FNDC3A: variants seen among roughly 807,000 people sequenced by gnomAD.
FNDC3A encodes the protein fibronectin type III domain containing 3A, also known as fibronectin type-III domain-containing protein 3A.
FNDC3A carries 32 observed loss-of-function variants against 148.9 expected under a neutral mutation model. That is an observed-to-expected ratio of 0.21 (90% CI 0.16 to 0.29). The LOEUF is 0.29. FNDC3A is among the 10% of genes least tolerant of loss of function. The probability of loss-of-function intolerance (pLI) is 1.00; values close to 1 mark genes in which losing one functional copy is unlikely to be tolerated. For missense variants in FNDC3A, 1,191 were observed against 1,452.8 expected (o/e 0.82, Z 2.93); for synonymous variants, 472 against 473.6 (o/e 1.00, Z 0.04).
chr13:48,993,136 G>A (rs1355860153), intron 1 of FNDC3A, among the ~76,000 whole-genome samples: 1 of 152,154 alleles, frequency 6.6e-6, no homozygotes, highest in Non-Finnish European at 1.5e-5. Context: ...TCTCGTTGAA[G>A]GATAATGTAT....
At chr13:48,978,947 G>A (rs1951650865) in intron 1 of FNDC3A, among the ~76,000 whole-genome samples, 1 of 152,056 alleles carries the variant, frequency 6.6e-6, no homozygotes, top group Non-Finnish European at 1.5e-5. Flanking sequence ...TCTTATTTCA[G>A]ATAATTATTC....
intron 2 of FNDC3A, among the ~76,000 whole-genome samples, chr13:49,063,077 T>C (rs577250460): frequency 6.6e-6 from 1 of 152,200 alleles, no homozygotes; most frequent in African/African-American, 2.4e-5. Context: ...TATTAGTAAT[T>C]TATAGAATTC....
intron 4 of FNDC3A, among the ~76,000 whole-genome samples, chr13:49,118,955 A>G (rs1337563163): frequency 1.3e-5 from 2 of 152,214 alleles, no homozygotes; most frequent in East Asian, 1.9e-4. Context: ...GTTCCTGCCT[A>G]CCGGCTCTAA....
At chr13:49,204,200 T>C (rs376553465) in intron 25 of FNDC3A, among the ~76,000 whole-genome samples, 1 of 152,220 alleles carries the variant, frequency 6.6e-6, no homozygotes, top group African/African-American at 2.4e-5. Flanking sequence ...AGCTTTCTGA[T>C]AAAGCAAGAA....
chr13:49,077,998 G>A (rs1443861889), intron 3 of FNDC3A, among the ~76,000 whole-genome samples: 1 of 152,138 alleles, frequency 6.6e-6, no homozygotes, highest in Non-Finnish European at 1.5e-5. Context: ...TAGAGTGTAA[G>A]TTTCTAATAG....
At chr13:49,124,196 A>G (rs954976273) in intron 4 of FNDC3A, among the ~76,000 whole-genome samples, 4 of 152,188 alleles carry the variant, frequency 2.6e-5, no homozygotes, top group Non-Finnish European at 5.9e-5. Context: ...TTGCAGGGAC[A>G]TGGATGAAGC....
intron 3 of FNDC3A, among the ~76,000 whole-genome samples, chr13:49,091,998 C>G (rs536005666): frequency 6.6e-6 from 1 of 152,356 alleles, no homozygotes; most frequent in East Asian, 1.9e-4. Flanking sequence ...AGAGCTGTCT[C>G]TCCAAAGGAG....
chr13:49,161,166 G>T (rs72619996), intron 8 of FNDC3A, among the ~76,000 whole-genome samples: 12 of 152,134 alleles, frequency 7.9e-5, no homozygotes, highest in Admixed American at 3.3e-4. Context: ...TTCAAGTCCT[G>T]GGTATCCTTG....
intron 2 of FNDC3A, among the ~76,000 whole-genome samples, chr13:49,069,671 C>A (rs1301349192): frequency 2.0e-5 from 3 of 152,176 alleles, no homozygotes; most frequent in Non-Finnish European, 2.9e-5. Context: ...GACTAATTTA[C>A]ATACTCAATC....
chr13:49,022,084 A>G (rs1183804928), intron 2 of FNDC3A, among the ~76,000 whole-genome samples: 1 of 152,174 alleles, frequency 6.6e-6, no homozygotes, highest in South Asian at 2.1e-4. Context: ...CAATGAATAA[A>G]CCATTTCACA....
Position 49,025,399 on chromosome 13 carries a change from C to G in FNDC3A, c.99+19110C>G, listed in dbSNP as rs1047752968. ...ATGACTCTGAGTAATCTATTACATT[C>G]TAAAGTAATTCTTTAGAATGTCTGA... On this transcript the variant is annotated intron_variant, in intron 2 of 25. Coordinates refer to ENST00000492622, the MANE Select transcript of FNDC3A (RefSeq NM_001079673.2). Among the ~76,000 whole-genome samples the G allele has an allele frequency of 2.6e-5, 4 of 152,068 alleles. No homozygotes were observed. The East Asian group carries it at 7.7e-4, about 29-fold the overall frequency.
intron 2 of FNDC3A, among the ~76,000 whole-genome samples, chr13:49,074,611 A>G (rs187730661): frequency 4.5e-4 from 69 of 152,294 alleles, no homozygotes; most frequent in Non-Finnish European, 9.4e-4. Context: ...TAATAACTTG[A>G]AAGTCTTTTT....
chr13:48,991,415 A>G (rs1951913984), intron 1 of FNDC3A, among the ~76,000 whole-genome samples: 1 of 152,132 alleles, frequency 6.6e-6, no homozygotes, highest in Admixed American at 6.6e-5. Flanking sequence ...GCCTGGGGGC[A>G]GTGGCTCATG....
chr13:49,056,067 G>A (rs1313227796), intron 2 of FNDC3A, among the ~76,000 whole-genome samples: 4 of 151,900 alleles, frequency 2.6e-5, no homozygotes, highest in Non-Finnish European at 5.9e-5. Context: ...CGCGCCTGTA[G>A]TCCCAGCTAC....
At position 49,207,525 on chromosome 13, in the gene FNDC3A, A is replaced by AT. The variant is rs1360166735; in HGVS notation, c.*134dup. 4 of 607,320 alleles carry AT rather than the reference A, an allele frequency of 6.6e-6. No homozygotes were observed. Among genetic ancestry groups the AT allele is most frequent in the Non-Finnish European group, 1.1e-5 (4 of 349,198 alleles). 37.6% of individuals were successfully genotyped at this position (607,320 alleles called of 1,614,324 possible). On this transcript the variant is annotated 3_prime_UTR_variant, in exon 26 of 26. Coordinates refer to ENST00000492622, the MANE Select transcript of FNDC3A (RefSeq NM_001079673.2). The stretch of plus-strand genomic sequence containing the variant: ...GAGACTATAGCACATCATTTTTGCC[A>AT]TTTTCAGTGCTTATATTGTTAGGTA...
intron 8 of FNDC3A, among the ~76,000 whole-genome samples, chr13:49,148,469 A>G (rs949888453): frequency 7.9e-5 from 12 of 152,136 alleles, no homozygotes; most frequent in Admixed American, 3.3e-4. Flanking sequence ...TGAGAAGGGT[A>G]TCCTTTCCCC....
intron 23 of FNDC3A, chr13:49,201,369 T>G (rs1247519069): frequency 6.3e-6 from 1 of 159,980 alleles, no homozygotes; most frequent in African/African-American, 2.4e-5. Context: ...AAATAGAAAC[T>G]TAATCTCATA....
At chr13:49,194,178 G>T (rs564288910) in intron 19 of FNDC3A, among the ~76,000 whole-genome samples, 1 of 151,722 alleles carries the variant, frequency 6.6e-6, no homozygotes, top group Non-Finnish European at 1.5e-5. Flanking sequence ...CACAAGAATC[G>T]CTTGAACCCA....
At chr13:49,059,491 T>C (rs1176719867) in intron 2 of FNDC3A, among the ~76,000 whole-genome samples, 1 of 152,238 alleles carries the variant, frequency 6.6e-6, no homozygotes, top group Non-Finnish European at 1.5e-5. Flanking sequence ...GCTCTCGCTC[T>C]GTTGCTCAGG....
Sources: allele counts gnomAD v4.1 joint callset (sites outside exome capture counted in the v4.1 genomes callset), GRCh38; gene constraint gnomAD v4.1.1; transcripts MANE v1.5; gene names NCBI Gene and HGNC (gene_info 2026-07-23, HGNC 2026-07-21).